Variants in CPQ observed in about 807,000 individuals in gnomAD.
CPQ encodes the protein carboxypeptidase Q, also known as Ser-Met dipeptidase.
Under a neutral mutation model 45.7 loss-of-function variants are expected in CPQ, and 37 were observed. The observed-to-expected ratio is 0.81, with a 90% confidence interval of 0.62 to 1.07. The LOEUF (loss-of-function observed/expected upper bound fraction) is 1.07, where lower values mean the gene tolerates loss of function less well. Ranked by LOEUF, CPQ falls within the 50% of genes least tolerant of loss-of-function variation. The probability of loss-of-function intolerance (pLI) is 0.00; values close to 1 mark genes in which losing one functional copy is unlikely to be tolerated. For missense variants in CPQ, 537 were observed against 572.9 expected (o/e 0.94, Z 0.64); for synonymous variants, 186 against 205.8 (o/e 0.90, Z 0.82).
intron 1 of CPQ, among the ~76,000 whole-genome samples, chr8:96,696,243 A>G (rs975178955): frequency 6.6e-6 from 1 of 151,288 alleles, no homozygotes; most frequent in Non-Finnish European, 1.5e-5. Context: ...TTGAACAATG[A>G]GAACACATGG....
chr8:96,687,180 C>T lies in CPQ; in HGVS notation c.-35+41778C>T, dbSNP rs532991461. Among the ~76,000 whole-genome samples the T allele has an allele frequency of 8.0e-5, 10 of 124,458 alleles. 2 individuals carry two copies. Among genetic ancestry groups the T allele is most frequent in the African/African-American group, 2.8e-4 (9 of 31,766 alleles). 81.6% of individuals were successfully genotyped at this position (124,458 alleles called of 152,430 possible). ...TTTTCTTTTCTTTTCTTTTCTTTCT[C>T]TTCTCTTCTCTTCTCTTCTTTTCTT... is the stretch of plus-strand genomic sequence containing the variant. On this transcript the variant is annotated intron_variant, in intron 1 of 7. Coordinates refer to ENST00000220763, the MANE Select transcript of CPQ (RefSeq NM_016134.4).
intron 2 of CPQ, among the ~76,000 whole-genome samples, chr8:96,788,528 A>T (rs938520481): frequency 6.6e-6 from 1 of 151,974 alleles, no homozygotes; most frequent in South Asian, 2.1e-4. Context: ...GTGCTGAGTC[A>T]TGTCTTCTTT....
At chr8:96,708,721 C>T (rs1270549675) in intron 1 of CPQ, among the ~76,000 whole-genome samples, 1 of 152,038 alleles carries the variant, frequency 6.6e-6, no homozygotes, top group Non-Finnish European at 1.5e-5. Flanking sequence ...CTAGATCATC[C>T]TATCACCTAG....
chr8:96,907,052 A>G lies in CPQ; in HGVS notation c.849+27047A>G, dbSNP rs111849187. 5.4e-3 allele frequency among the ~76,000 whole-genome samples: 822 copies of G among 152,332 alleles called. 12 individuals are homozygous for G. The highest frequency in any genetic ancestry group is 0.019 in the African/African-American group (793 of 41,574). ...AAATGTTGACCAGTGAATTATATTC[A>G]TAATATATTTTGTATTTGTAATATA... On this transcript the variant is annotated intron_variant, in intron 4 of 7. Coordinates refer to ENST00000220763, the MANE Select transcript of CPQ (RefSeq NM_016134.4).
At chr8:96,720,562 C>T (rs1809748848) in intron 1 of CPQ, among the ~76,000 whole-genome samples, 1 of 152,166 alleles carries the variant, frequency 6.6e-6, no homozygotes, top group African/African-American at 2.4e-5. Context: ...TTACAAATTA[C>T]TTCCTCTGAA....
chr8:96,786,362 CT>C (rs1810768531), intron 2 of CPQ, among the ~76,000 whole-genome samples: 1 of 151,986 alleles, frequency 6.6e-6, no homozygotes, highest in Non-Finnish European at 1.5e-5. Flanking sequence ...GTATTTCATT[CT>C]TTTTATTGCT....
At chr8:96,734,572 G>A (rs755102497) in intron 1 of CPQ, among the ~76,000 whole-genome samples, 4 of 151,906 alleles carry the variant, frequency 2.6e-5, no homozygotes, top group African/African-American at 7.2e-5. Context: ...TTAGCTGGGC[G>A]TGGTGGCAGG....
chr8:97,070,865 T>C (rs992034525), intron 7 of CPQ, among the ~76,000 whole-genome samples: 6 of 152,194 alleles, frequency 3.9e-5, no homozygotes, highest in Non-Finnish European at 5.9e-5. Flanking sequence ...CAGGTTAGGA[T>C]GAAAGGAGTC....
At chr8:96,724,108 A>G (rs553799551) in intron 1 of CPQ, among the ~76,000 whole-genome samples, 113 of 151,640 alleles carry the variant, frequency 7.5e-4, no homozygotes, top group African/African-American at 2.7e-3. Context: ...TTTTCTTTTT[A>G]TATAGTTTTA....
intron 4 of CPQ, among the ~76,000 whole-genome samples, chr8:96,896,098 G>T (rs142607730): frequency 1.3e-5 from 2 of 152,028 alleles, no homozygotes; most frequent in African/African-American, 2.4e-5. Flanking sequence ...GCAAATGAGG[G>T]CACTGGAATC....
At chr8:96,774,691 G>C (rs1810585418) in intron 1 of CPQ, among the ~76,000 whole-genome samples, 1 of 152,152 alleles carries the variant, frequency 6.6e-6, no homozygotes, top group South Asian at 2.1e-4. Flanking sequence ...GGAATAAAGG[G>C]AGAGCAAGTT....
At chr8:96,846,287 T>G (rs1811688581) in intron 3 of CPQ, among the ~76,000 whole-genome samples, 1 of 152,206 alleles carries the variant, frequency 6.6e-6, no homozygotes, top group Admixed American at 6.5e-5. Flanking sequence ...TGAATCCCTC[T>G]TTGTGAAAAG....
chr8:96,872,045 A>G (rs1488410258), intron 3 of CPQ, among the ~76,000 whole-genome samples: 1 of 151,958 alleles, frequency 6.6e-6, no homozygotes, highest in Non-Finnish European at 1.5e-5. Flanking sequence ...TTTAAGTGCC[A>G]CCAGCATTGG....
intron 4 of CPQ, among the ~76,000 whole-genome samples, chr8:96,933,735 T>C (rs987047100): frequency 1.1e-4 from 16 of 152,108 alleles, no homozygotes; most frequent in African/African-American, 3.9e-4. Context: ...TAAGGTAATG[T>C]CTTTAAGTTT....
At chr8:96,974,692 G>A (rs184661540) in intron 5 of CPQ, among the ~76,000 whole-genome samples, 75 of 152,104 alleles carry the variant, frequency 4.9e-4, no homozygotes, top group African/African-American at 1.6e-3. Flanking sequence ...AATAAAATTC[G>A]AAATCAACTC....
At chr8:97,073,617 T>G (rs1001493063) in intron 7 of CPQ, among the ~76,000 whole-genome samples, 11 of 152,100 alleles carry the variant, frequency 7.2e-5, no homozygotes, top group African/African-American at 2.7e-4. Context: ...TCAACAAGCA[T>G]GTGTTGAGTG....
intron 1 of CPQ, among the ~76,000 whole-genome samples, chr8:96,757,369 A>G (rs1347183845): frequency 7.2e-6 from 1 of 139,180 alleles, no homozygotes; most frequent in Non-Finnish European, 1.6e-5. Context: ...TAATAATAAT[A>G]ATAATAATAA....
At chr8:96,702,124 T>G (rs988213759) in intron 1 of CPQ, among the ~76,000 whole-genome samples, 2 of 152,328 alleles carry the variant, frequency 1.3e-5, no homozygotes, top group South Asian at 4.1e-4. Context: ...AACTGCGGGG[T>G]TAACAAGAAG....
chr8:96,790,104 A>G (rs1182139262), intron 2 of CPQ, among the ~76,000 whole-genome samples: 1 of 152,022 alleles, frequency 6.6e-6, no homozygotes. Context: ...GCTCTCCATT[A>G]TTTTCAGCAA....
Sources: allele counts gnomAD v4.1 joint callset (sites outside exome capture counted in the v4.1 genomes callset), GRCh38; gene constraint gnomAD v4.1.1; transcripts MANE v1.5; gene names NCBI Gene and HGNC (gene_info 2026-07-23, HGNC 2026-07-21).